ITGBL1: variants seen among roughly 807,000 people sequenced by gnomAD.
The protein encoded by ITGBL1 is integrin subunit beta like 1.
ITGBL1 carries 51 observed loss-of-function variants against 68.5 expected under a neutral mutation model. The ratio of observed to expected loss-of-function variants is 0.74; its 90% CI spans 0.59 to 0.94. The LOEUF is 0.94. Among genes scored for constraint, ITGBL1 ranks in the 40% least tolerant of loss-of-function variants. The probability of loss-of-function intolerance (pLI) is 0.00; values close to 1 mark genes in which losing one functional copy is unlikely to be tolerated. For synonymous variants in ITGBL1, 209 were observed against 227.3 expected (o/e 0.92, Z 0.72); for missense variants, 649 against 647.4 (o/e 1.00, Z -0.03).
rs189288966 is a variant in ITGBL1 at position 101,501,862 on chromosome 13, C to A, written c.316+47762C>A. Among the ~76,000 whole-genome samples the A allele has an allele frequency of 1.6e-3, 238 of 152,278 alleles. 2 individuals are homozygous for A. The highest frequency in any genetic ancestry group is 2.4e-3 in the Non-Finnish European group (161 of 68,038). On this transcript the variant is annotated intron_variant, in intron 2 of 10. Transcript: ENST00000376180. ...GACAGGTATAACATGTGCTCCCTAA[C>A]CAGCTTCCTGAAGTGGCTCATGGTT...
intron 7 of ITGBL1, among the ~76,000 whole-genome samples, chr13:101,670,800 G>T (rs1223142557): frequency 6.6e-6 from 1 of 152,160 alleles, no homozygotes; most frequent in Non-Finnish European, 1.5e-5. Flanking sequence ...TGTCTGGTAA[G>T]CATTGTCTAA....
chr13:101,641,332 A>G (rs1402668211), intron 7 of ITGBL1, among the ~76,000 whole-genome samples: 1 of 152,150 alleles, frequency 6.6e-6, no homozygotes, highest in Non-Finnish European at 1.5e-5. Context: ...AGGTGAAGAA[A>G]TAAACATATA....
chr13:101,669,891 A>G (rs2033316471), intron 7 of ITGBL1, among the ~76,000 whole-genome samples: 1 of 152,184 alleles, frequency 6.6e-6, no homozygotes, highest in South Asian at 2.1e-4. Flanking sequence ...TTTGCAGGTC[A>G]TACATCATTG....
chr13:101,489,443 A>C (rs1325244949), intron 2 of ITGBL1, among the ~76,000 whole-genome samples: 1 of 152,178 alleles, frequency 6.6e-6, no homozygotes, highest in African/African-American at 2.4e-5. Context: ...CACCCATTAA[A>C]TTTTTATGGA....
At chr13:101,492,505 A>G (rs1348726331) in intron 2 of ITGBL1, among the ~76,000 whole-genome samples, 1 of 152,134 alleles carries the variant, frequency 6.6e-6, no homozygotes, top group Admixed American at 6.6e-5. Flanking sequence ...TTTCCTGCTC[A>G]AGTTTTCTTT....
intron 8 of ITGBL1, 68 bp downstream of exon 8, chr13:101,692,769 C>G: frequency 1.1e-6 from 1 of 947,122 alleles, no homozygotes; most frequent in Non-Finnish European, 1.7e-6. Context: ...TGTTATTCTA[C>G]TGACTCTTGC....
Position 101,619,204 on chromosome 13 carries a change from T to C in ITGBL1, c.1015+20905T>C, listed in dbSNP as rs746519671. On this transcript the variant is annotated intron_variant, in intron 7 of 10. Coordinates refer to ENST00000376180, the MANE Select transcript of ITGBL1 (RefSeq NM_004791.3). ...CAAAATAATTCATTGATGATTGTGG[T>C]AGGTAGAATACTGCCCCCATCAAAG... 4.0e-4 allele frequency among the ~76,000 whole-genome samples: 61 copies of C among 152,058 alleles called. 1 individual carries two copies. Among genetic ancestry groups the C allele is most frequent in the Non-Finnish European group, 1.5e-4 (10 of 68,002 alleles).
chr13:101,553,787 T>A (rs1249036769), intron 2 of ITGBL1, among the ~76,000 whole-genome samples: 6 of 152,008 alleles, frequency 3.9e-5, no homozygotes, highest in Admixed American at 3.9e-4. Context: ...ATTTCCCCCC[T>A]TTTTTTGAGA....
chr13:101,668,723 T>C (rs1450863587), intron 7 of ITGBL1, among the ~76,000 whole-genome samples: 2 of 152,300 alleles, frequency 1.3e-5, no homozygotes, highest in South Asian at 4.1e-4. Context: ...TTTCATGTAA[T>C]TTCAGATGTT....
chr13:101,575,825 T>C (rs148792006), intron 4 of ITGBL1, among the ~76,000 whole-genome samples: 1 of 152,272 alleles, frequency 6.6e-6, no homozygotes, highest in Non-Finnish European at 1.5e-5. Flanking sequence ...TAGAATACCA[T>C]CTCCTCTGCT....
At chr13:101,662,143 G>C (rs2033104645) in intron 7 of ITGBL1, among the ~76,000 whole-genome samples, 2 of 152,138 alleles carry the variant, frequency 1.3e-5, no homozygotes, top group African/African-American at 4.8e-5. Context: ...AACTATCACT[G>C]TTTGGACTGA....
chr13:101,658,022 G>A (rs2032980169), intron 7 of ITGBL1, among the ~76,000 whole-genome samples: 1 of 152,132 alleles, frequency 6.6e-6, no homozygotes, highest in Non-Finnish European at 1.5e-5. Context: ...TGATTTAAGT[G>A]ATTACATCTG....
At chr13:101,519,245 T>C (rs1183836505) in intron 2 of ITGBL1, among the ~76,000 whole-genome samples, 1 of 152,136 alleles carries the variant, frequency 6.6e-6, no homozygotes, top group East Asian at 1.9e-4. Context: ...AAGGGCACCA[T>C]AGTCTACCCC....
intron 7 of ITGBL1, among the ~76,000 whole-genome samples, chr13:101,666,691 C>G (rs1400612292): frequency 6.6e-6 from 1 of 152,048 alleles, no homozygotes; most frequent in Non-Finnish European, 1.5e-5. Flanking sequence ...TTATGAACAT[C>G]TTTTGAAAGC....
intron 7 of ITGBL1, among the ~76,000 whole-genome samples, chr13:101,634,050 T>C (rs770924743): frequency 5.9e-5 from 9 of 152,172 alleles, no homozygotes; most frequent in Non-Finnish European, 1.0e-4. Context: ...AGTACTAGTT[T>C]AACCTTTTAA....
intron 2 of ITGBL1, among the ~76,000 whole-genome samples, chr13:101,508,372 G>A (rs1274778698): frequency 1.3e-5 from 2 of 152,138 alleles, no homozygotes; most frequent in East Asian, 1.9e-4. Context: ...AAAAATATTT[G>A]TCTACGTTTC....
At chr13:101,579,108 G>C (rs1420831812) in intron 4 of ITGBL1, among the ~76,000 whole-genome samples, 179 bp from the exon 5 acceptor site, 3 of 152,154 alleles carry the variant, frequency 2.0e-5, no homozygotes, top group Non-Finnish European at 4.4e-5. Context: ...TGATTAAGCA[G>C]GTATAGGCAC....
chr13:101,486,639 A>G (rs1043752092), intron 2 of ITGBL1, among the ~76,000 whole-genome samples: 5 of 152,256 alleles, frequency 3.3e-5, no homozygotes, highest in African/African-American at 1.2e-4. Context: ...ATGCAAATCC[A>G]CAATGTAAGT....
intron 2 of ITGBL1, among the ~76,000 whole-genome samples, chr13:101,527,995 G>A (rs987634874): frequency 1.3e-5 from 2 of 151,680 alleles, no homozygotes; most frequent in African/African-American, 4.8e-5. Context: ...TGTATGCTTT[G>A]AAGGTAAAAT....
Sources: allele counts gnomAD v4.1 joint callset (sites outside exome capture counted in the v4.1 genomes callset), GRCh38; gene constraint gnomAD v4.1.1; transcripts MANE v1.5; gene names NCBI Gene and HGNC (gene_info 2026-07-23, HGNC 2026-07-21).